The following ZNF831 variants were observed in gnomAD, a reference collection of about 807,000 sequenced individuals.
ZNF831 encodes the protein chromosome 20 open reading frame 174.
In ZNF831, 59 loss-of-function variants were observed where a neutral mutation model predicts 95.8. The observed-to-expected ratio is 0.62, with a 90% CI of 0.50 to 0.77. The LOEUF (loss-of-function observed/expected upper bound fraction) is 0.77. Ranked by LOEUF, ZNF831 falls within the 30% of genes least tolerant of loss-of-function variation. The pLI, the probability that ZNF831 is intolerant of heterozygous loss-of-function variation, is 0.00. For missense variants in ZNF831, 2,205 were observed against 2,164.0 expected (o/e 1.02, Z -0.38); for synonymous variants, 961 against 925.5 (o/e 1.04, Z -0.70).
intron 1 of ZNF831, among the ~76,000 whole-genome samples, chr20:59,175,831 A>G (rs1460852232): frequency 1.3e-5 from 2 of 152,160 alleles, no homozygotes; most frequent in Non-Finnish European, 2.9e-5. Context: ...AGACTTGGAC[A>G]TTTTGGGCAT....
intron 4 of ZNF831, among the ~76,000 whole-genome samples, chr20:59,245,619 T>C (rs552743995): frequency 7.0e-4 from 107 of 152,190 alleles, no homozygotes; most frequent in Non-Finnish European, 1.2e-3. Flanking sequence ...CACCCAAAAT[T>C]TCTCCAGACA....
In ZNF831 at chr20:59,192,189, C is replaced by T. The variant is rs113266043; in HGVS notation, c.1170C>T (p.Pro390=). 29 of 1,571,064 alleles carry T rather than the reference C, an allele frequency of 1.8e-5. No individual in the cohort carries two copies. The African/African-American group carries it at 2.0e-4, about 11-fold the overall frequency. ...GPGPGVAGAE[P]GAREAGLELE... Reference sequence around the variant, plus strand: ...GGCCAGGGGTCGCAGGGGCCGAGCCCGGGGCGCGAGAAGCCGGCCTGGAGC... The same window carrying T: ...GGCCAGGGGTCGCAGGGGCCGAGCCTGGGGCGCGAGAAGCCGGCCTGGAGC... Residue 390 remains proline, a synonymous_variant, in exon 2 of 6, where the codon CCC becomes CCT. Transcript: ENST00000371030. The surrounding 1 kb of genome is among the most constrained non-coding windows in gnomAD (Gnocchi z 5.2).
In ZNF831 at chr20:59,194,022, G is replaced by A. The variant is rs765856551; in HGVS notation, c.3003G>A (p.Ala1001=). Residue 1001 remains alanine (A), a synonymous_variant, in exon 2 of 6, where the codon GCG becomes GCA. Transcript: ENST00000371030. ...CCTCAGGCCCCTCCCCAGGTGAGGC[G>A]GACAGCATCCTGGAGGACCCCAGCT... ...SPASGPSPGE[A]DSILEDPSCS... 2.2e-5 allele frequency: 33 copies of A among 1,527,662 alleles called. No homozygotes were observed. The highest frequency in any genetic ancestry group is 1.0e-4 in the South Asian group (8 of 77,224). The allele number at this position is 1,527,662 out of a possible 1,614,324, so 94.6% of individuals were successfully genotyped here. A position where few individuals can be genotyped will look rare whatever the true frequency, so the allele number is the denominator to read the frequency against.
chr20:59,234,411 T>C (rs114884479), intron 4 of ZNF831, among the ~76,000 whole-genome samples: 102 of 152,348 alleles, frequency 6.7e-4, no homozygotes, highest in African/African-American at 2.3e-3. Context: ...TTCATTTGCA[T>C]TGGGCTCTGC....
At chr20:59,239,581 G>A (rs1203046668) in intron 4 of ZNF831, among the ~76,000 whole-genome samples, 2 of 130,796 alleles carry the variant, frequency 1.5e-5, no homozygotes, top group Admixed American at 8.7e-5. Flanking sequence ...ATAGAGTCTC[G>A]CTCTGTCGCC....
chr20:59,227,212 A>T (rs980604987), intron 4 of ZNF831, among the ~76,000 whole-genome samples: 1 of 152,206 alleles, frequency 6.6e-6, no homozygotes, highest in Admixed American at 6.5e-5. Context: ...TTTCAGGCTA[A>T]TGTATCTTCC....
Position 59,195,851 on chromosome 20 carries a change from C to A in ZNF831, c.3739-18C>A, listed in dbSNP as rs1984061006. On this transcript the variant is annotated intron_variant, in intron 2 of 5. Coordinates refer to ENST00000371030, the MANE Select transcript of ZNF831 (RefSeq NM_178457.3). ...AGGACTTTGAGTAATGTGATGCCAA[C>A]ATGCTTGGTGTTTTCAGTTCTCCTA... 6.2e-7 allele frequency: 1 copy of A among 1,606,870 alleles called. No individual in the cohort carries two copies. Among genetic ancestry groups the A allele is most frequent in the Admixed American group, 1.7e-5 (1 of 58,296 alleles).
At chr20:59,189,017 C>G (rs2146536485) in intron 1 of ZNF831, among the ~76,000 whole-genome samples, 1 of 151,848 alleles carries the variant, frequency 6.6e-6, no homozygotes, top group Non-Finnish European at 1.5e-5. Flanking sequence ...CTGGTCTCTA[C>G]TAAAAATACA....
chr20:59,126,649 A>T (rs1979178650), intron 1 of ZNF831, among the ~76,000 whole-genome samples: 1 of 152,152 alleles, frequency 6.6e-6, no homozygotes, highest in South Asian at 2.1e-4. Context: ...TTCAGCTTCC[A>T]TGGCGCCCCG....
intron 4 of ZNF831, among the ~76,000 whole-genome samples, chr20:59,211,985 G>T (rs145815367): frequency 7.3e-6 from 1 of 137,774 alleles, no homozygotes; most frequent in Admixed American, 7.2e-5. Context: ...AGGTGGGTGG[G>T]ATTTCTCAAT....
At chr20:59,190,227 A>G (rs1983396364) in intron 1 of ZNF831, among the ~76,000 whole-genome samples, 2 of 152,218 alleles carry the variant, frequency 1.3e-5, no homozygotes, top group South Asian at 4.1e-4. Flanking sequence ...CAAATACAGG[A>G]TGCCCAGCCA....
intron 1 of ZNF831, among the ~76,000 whole-genome samples, chr20:59,133,873 G>A (rs1050818091): frequency 6.6e-6 from 1 of 152,202 alleles, no homozygotes; most frequent in Admixed American, 6.5e-5. Flanking sequence ...TCACTCTCAG[G>A]TCCCAGAGAA....
intron 2 of ZNF831, among the ~76,000 whole-genome samples, chr20:59,155,185 T>A (rs1345384639): frequency 6.6e-6 from 1 of 152,226 alleles, no homozygotes; most frequent in Non-Finnish European, 1.5e-5. Context: ...CTTTTGTCAT[T>A]GTTTCCCAGT....
At chr20:59,238,575 C>T (rs1987132586) in intron 4 of ZNF831, among the ~76,000 whole-genome samples, 1 of 152,204 alleles carries the variant, frequency 6.6e-6, no homozygotes, top group Non-Finnish European at 1.5e-5. Context: ...GGAAAGGCCA[C>T]ATTTGCTTTC....
rs1241937942 is a variant in ZNF831 at position 59,193,000 on chromosome 20, C to A, written c.1981C>A (p.Gln661Lys). 6.3e-7 allele frequency: 1 copy of A among 1,575,664 alleles called. No homozygotes were observed. The highest frequency in any genetic ancestry group is 1.2e-5 in the South Asian group (1 of 82,906). ...GSGAELGFPL[Q>K]KEAAGSSGTV... ...TGGGGCAGAACTGGGCTTTCCTCTG[C>A]AGAAAGAGGCAGCAGGGAGCTCAGG... is the stretch of plus-strand genomic sequence containing the variant. Residue 661 changes from glutamine to lysine, a missense_variant, in exon 2 of 6, where the codon CAG (glutamine) becomes AAG (lysine). Physicochemically the swap from Gln to Lys is moderately conservative, Grantham distance 53 (BLOSUM62 1). Coordinates refer to ENST00000371030, the MANE Select transcript of ZNF831 (RefSeq NM_178457.3). This position sits in a 1 kb window ranked among gnomAD's most constrained non-coding sequence, Gnocchi z 5.2.
At chr20:59,157,675 A>G (rs1334817873) in intron 2 of ZNF831, among the ~76,000 whole-genome samples, 1 of 152,228 alleles carries the variant, frequency 6.6e-6, no homozygotes, top group Non-Finnish European at 1.5e-5. Context: ...GGCTTGGAGA[A>G]GAGTTGGCAG....
chr20:59,149,828 T>A (rs1055096493), intron 2 of ZNF831, among the ~76,000 whole-genome samples: 1 of 152,266 alleles, frequency 6.6e-6, no homozygotes, highest in Non-Finnish European at 1.5e-5. Context: ...TTCTGTGGAA[T>A]GTTCCAGCTG....
At chr20:59,219,813 A>G (rs1296157027) in intron 4 of ZNF831, among the ~76,000 whole-genome samples, 2 of 152,158 alleles carry the variant, frequency 1.3e-5, no homozygotes, top group Non-Finnish European at 2.9e-5. Flanking sequence ...TCACTAATAG[A>G]TTCCTGTAGA....
At chr20:59,138,660 A>G (rs1979585057) in intron 1 of ZNF831, among the ~76,000 whole-genome samples, 1 of 152,248 alleles carries the variant, frequency 6.6e-6, no homozygotes, top group Admixed American at 6.5e-5. Flanking sequence ...ATTTCTGGGC[A>G]AAAGCTTTTA....
Sources: allele counts gnomAD v4.1 joint callset (sites outside exome capture counted in the v4.1 genomes callset), GRCh38; gene constraint gnomAD v4.1.1; non-coding constraint Gnocchi (gnomAD v3.1); transcripts MANE v1.5; gene names NCBI Gene and HGNC (gene_info 2026-07-23, HGNC 2026-07-21).